ARL15: variants seen among roughly 807,000 people sequenced by gnomAD.
ARL15 encodes the protein ARF like GTPase 15, also known as ADP-ribosylation factor-like protein 15.
In ARL15, 19 loss-of-function variants were observed where a neutral mutation model predicts 25.2. That is an observed-to-expected ratio of 0.75 (90% CI 0.53 to 1.10). ARL15 has a LOEUF of 1.10. Among genes scored for constraint, ARL15 ranks in the 50% least tolerant of loss-of-function variants. The probability of loss-of-function intolerance (pLI) is 0.00; values close to 1 mark genes in which losing one functional copy is unlikely to be tolerated. For missense variants in ARL15, 220 were observed against 246.0 expected (o/e 0.89, Z 0.71); for synonymous variants, 94 against 86.8 (o/e 1.08, Z -0.46).
chr5:54,046,699 G>A (rs896074762), intron 4 of ARL15, among the ~76,000 whole-genome samples: 6 of 152,170 alleles, frequency 3.9e-5, no homozygotes, highest in African/African-American at 1.4e-4. Flanking sequence ...GTCAACAACT[G>A]CTGTAGAGCA....
chr5:54,223,726 T>C (rs1018582722), intron 1 of ARL15, among the ~76,000 whole-genome samples: 2 of 152,184 alleles, frequency 1.3e-5, no homozygotes, highest in Non-Finnish European at 2.9e-5. Flanking sequence ...TCAAATGGCA[T>C]AAAAATACTT....
intron 4 of ARL15, among the ~76,000 whole-genome samples, chr5:54,059,811 T>A (rs1454322364): frequency 6.6e-6 from 1 of 152,210 alleles, no homozygotes; most frequent in African/African-American, 2.4e-5. Flanking sequence ...AATTCCATAA[T>A]GTGTATAAAA....
At chr5:54,136,869 G>GTT (rs760461874) in intron 3 of ARL15, among the ~76,000 whole-genome samples, 5 of 138,166 alleles carry the variant, frequency 3.6e-5, no homozygotes, top group Non-Finnish European at 4.8e-5. Context: ...GTCTGCCTGG[G>GTT]TTTTTTTTTT....
chr5:54,092,997 T>C (rs926313251), intron 4 of ARL15, among the ~76,000 whole-genome samples: 3 of 152,224 alleles, frequency 2.0e-5, no homozygotes, highest in Non-Finnish European at 4.4e-5. Flanking sequence ...AAGAGCCTTA[T>C]TGGTCCATAG....
intron 3 of ARL15, among the ~76,000 whole-genome samples, chr5:54,122,469 A>C (rs1561232155): frequency 6.6e-6 from 1 of 152,248 alleles, no homozygotes; most frequent in African/African-American, 2.4e-5. Context: ...CCTTTGAGAG[A>C]TGATGTTACC....
chr5:54,301,921 T>C (rs1490754214), intron 1 of ARL15, among the ~76,000 whole-genome samples: 3 of 152,212 alleles, frequency 2.0e-5, no homozygotes. Flanking sequence ...ATAAATGAGA[T>C]TGGCTTGCAA....
chr5:54,249,647 G>A (rs1325613834), intron 1 of ARL15, among the ~76,000 whole-genome samples: 1 of 147,270 alleles, frequency 6.8e-6, no homozygotes, highest in African/African-American at 2.5e-5. Context: ...GAGTAAGAAA[G>A]GAGAAGTGTG....
intron 1 of ARL15, among the ~76,000 whole-genome samples, chr5:54,181,753 G>T (rs932490167): frequency 6.6e-6 from 1 of 152,146 alleles, no homozygotes; most frequent in South Asian, 2.1e-4. Flanking sequence ...GATGAACATA[G>T]CGAGACCCCA....
At chr5:53,926,004 T>C (rs973980952) in intron 4 of ARL15, among the ~76,000 whole-genome samples, 208 of 132,452 alleles carry the variant, frequency 1.6e-3, no homozygotes, top group African/African-American at 3.8e-3. Context: ...TTTCTTTTTT[T>C]TTTTTTTTTT....
At chr5:54,100,194 C>A (rs966475182) in intron 4 of ARL15, among the ~76,000 whole-genome samples, 5 of 151,982 alleles carry the variant, frequency 3.3e-5, no homozygotes, top group Non-Finnish European at 7.4e-5. Context: ...ATCACACAAA[C>A]CATTATCATA....
chr5:54,144,107 CGT>C (rs1753842365), intron 3 of ARL15, among the ~76,000 whole-genome samples: 7 of 151,766 alleles, frequency 4.6e-5, no homozygotes, highest in Non-Finnish European at 7.4e-5. Flanking sequence ...AGAGAGAAAT[CGT>C]AATTAATAGT....
At chr5:53,945,834 A>C (rs1746707943) in intron 4 of ARL15, among the ~76,000 whole-genome samples, 2 of 152,226 alleles carry the variant, frequency 1.3e-5, no homozygotes, top group Non-Finnish European at 2.9e-5. Flanking sequence ...AGAAGTTTAG[A>C]GCTGGGAAGG....
At chr5:53,908,246 GA>G (rs1360895854) in intron 4 of ARL15, among the ~76,000 whole-genome samples, 1 of 151,738 alleles carries the variant, frequency 6.6e-6, no homozygotes, top group African/African-American at 2.4e-5. Context: ...GTATATATAG[GA>G]AAAAAATATA....
At chr5:53,937,321 T>C (rs1746383664) in intron 4 of ARL15, among the ~76,000 whole-genome samples, 1 of 149,364 alleles carries the variant, frequency 6.7e-6, no homozygotes, top group South Asian at 2.1e-4. Context: ...ACACACAGCC[T>C]GATGTGGAGT....
At chr5:54,181,388 G>C (rs1229721222) in intron 1 of ARL15, among the ~76,000 whole-genome samples, 1 of 152,012 alleles carries the variant, frequency 6.6e-6, no homozygotes, top group Non-Finnish European at 1.5e-5. Flanking sequence ...CTCCAAATCA[G>C]GGCCTCATCT....
intron 4 of ARL15, among the ~76,000 whole-genome samples, chr5:54,097,648 TTTAA>T (rs1285952128): frequency 6.6e-6 from 1 of 152,222 alleles, no homozygotes; most frequent in Non-Finnish European, 1.5e-5. Flanking sequence ...TATAATAACA[TTTAA>T]GCTTGGTAAC....
chr5:54,284,045 G>C (rs1228182507), intron 1 of ARL15, among the ~76,000 whole-genome samples: 3 of 152,170 alleles, frequency 2.0e-5, no homozygotes, highest in African/African-American at 7.2e-5. Flanking sequence ...AGATGCAAAT[G>C]ACAGCAGAGT....
chr5:54,238,770 T>G (rs1219308620), intron 1 of ARL15, among the ~76,000 whole-genome samples: 1 of 152,240 alleles, frequency 6.6e-6, no homozygotes, highest in Non-Finnish European at 1.5e-5. Context: ...TCAACTCATT[T>G]CATGAGCTAA....
At chr5:54,155,134 A>C (rs1754189226) in intron 2 of ARL15, among the ~76,000 whole-genome samples, 1 of 152,170 alleles carries the variant, frequency 6.6e-6, no homozygotes, top group Non-Finnish European at 1.5e-5. Flanking sequence ...ACAAACAAAC[A>C]AACAAGCAAA....
Sources: allele counts gnomAD v4.1 joint callset (sites outside exome capture counted in the v4.1 genomes callset), GRCh38; gene constraint gnomAD v4.1.1; transcripts MANE v1.5; gene names NCBI Gene and HGNC (gene_info 2026-07-23, HGNC 2026-07-21).